The following SGCG variants were observed in gnomAD, a reference collection of about 807,000 sequenced individuals.
The protein encoded by SGCG is gamma-sarcoglycan.
SGCG carries 26 observed loss-of-function variants against 29.3 expected under a neutral mutation model. The ratio of observed to expected loss-of-function variants is 0.89; its 90% confidence interval spans 0.65 to 1.23. The LOEUF is 1.23. Ranked by LOEUF, SGCG falls within the 50% of genes most tolerant of loss-of-function variation. The probability of loss-of-function intolerance (pLI) is 0.00; values close to 1 mark genes in which losing one functional copy is unlikely to be tolerated. For missense variants in SGCG, 353 were observed against 356.0 expected, an observed-to-expected ratio of 0.99 and a Z score of 0.07; for synonymous variants, 145 against 129.7, an observed-to-expected ratio of 1.12 and a Z score of -0.80.
intron 2 of SGCG, among the ~76,000 whole-genome samples, chr13:23,233,689 A>G (rs75305352): frequency 0.046 from 7,008 of 152,262 alleles, 192 homozygotes; most frequent in South Asian, 0.075. Flanking sequence ...TGTATGTAAC[A>G]TATTTTACCA....
At chr13:23,249,331 A>G (rs1879868659) in intron 3 of SGCG, among the ~76,000 whole-genome samples, 1 of 152,216 alleles carries the variant, frequency 6.6e-6, no homozygotes, top group Non-Finnish European at 1.5e-5. Context: ...AAGGCCCATT[A>G]ACAGGCTCCC....
chr13:23,248,212 A>T lies in SGCG; in HGVS notation c.298-2418A>T, dbSNP rs186849128. ...CCAAAAAAAATTTCTATCAAAAAAA[A>T]ATTTTTTTAATTTTAGATGGAAAAC... On this transcript the variant is annotated intron_variant, in intron 3 of 7. Transcript: ENST00000218867. Among the ~76,000 whole-genome samples, 273 of 152,252 alleles carry T rather than the reference A, an allele frequency of 1.8e-3. 1 individual carries two copies. The highest frequency in any genetic ancestry group is 6.1e-3 in the African/African-American group (254 of 41,540).
intron 4 of SGCG, chr13:23,268,401 T>C (rs528513895): frequency 2.0e-4 from 30 of 152,454 alleles, no homozygotes; most frequent in African/African-American, 6.3e-4. Flanking sequence ...TCTGCTAGGA[T>C]TTTGATTCTG....
intron 7 of SGCG, among the ~76,000 whole-genome samples, chr13:23,323,326 GCA>G (rs1486019391): frequency 6.6e-6 from 1 of 152,212 alleles, no homozygotes; most frequent in Non-Finnish European, 1.5e-5. Context: ...ACCATGCACG[GCA>G]CAGAGCTGCC....
At chr13:23,238,099 C>T (rs1309013019) in intron 3 of SGCG, among the ~76,000 whole-genome samples, 1 of 152,100 alleles carries the variant, frequency 6.6e-6, no homozygotes, top group Non-Finnish European at 1.5e-5. Context: ...AGAGTTATCC[C>T]TGCAAGAGGA....
intron 2 of SGCG, among the ~76,000 whole-genome samples, chr13:23,206,996 C>A (rs2137506069): frequency 6.6e-6 from 1 of 152,228 alleles, no homozygotes; most frequent in African/African-American, 2.4e-5. Flanking sequence ...CCACAAAAGA[C>A]CTGAAACAGC....
chr13:23,176,800 C>G (rs1405881166), upstream of SGCG, among the ~76,000 whole-genome samples: 1 of 152,064 alleles, frequency 6.6e-6, no homozygotes, highest in Non-Finnish European at 1.5e-5. Flanking sequence ...TTTGTAGATT[C>G]TTTGTTTCTT....
intron 6 of SGCG, among the ~76,000 whole-genome samples, chr13:23,299,456 A>ATTTTTTTTTTTTTTTTTTT: frequency 2.4e-5 from 1 of 41,542 alleles, no homozygotes; most frequent in Non-Finnish European, 4.8e-5. Flanking sequence ...ATATATATAT[A>ATTTTTTTTTTTTTTTTTTT]TTTTTTTTTT....
chr13:23,215,884 G>T (rs938241732), intron 2 of SGCG, among the ~76,000 whole-genome samples: 1 of 151,766 alleles, frequency 6.6e-6, no homozygotes, highest in Non-Finnish European at 1.5e-5. Context: ...TATACATAAC[G>T]GCCAAATGTG....
chr13:23,247,285 G>C (rs1476253042), intron 3 of SGCG: 1 of 152,252 alleles, frequency 6.6e-6, no homozygotes, highest in Non-Finnish European at 1.5e-5. Context: ...TCAAGGATGT[G>C]TTTGAAGAAT....
the SGCG span, among the ~76,000 whole-genome samples, chr13:23,175,921 T>C: frequency 6.6e-6 from 1 of 152,156 alleles, no homozygotes; most frequent in East Asian, 1.9e-4. Flanking sequence ...ACAATCCAGA[T>C]GAAAACTCTT....
intron 4 of SGCG, among the ~76,000 whole-genome samples, chr13:23,263,053 A>G (rs908410178): frequency 2.0e-5 from 3 of 152,080 alleles, no homozygotes; most frequent in African/African-American, 7.2e-5. Context: ...AAAGTTTGAA[A>G]TATCACAAAT....
intron 2 of SGCG, among the ~76,000 whole-genome samples, chr13:23,212,800 G>C (rs147680727): frequency 2.6e-5 from 4 of 152,132 alleles, no homozygotes; most frequent in African/African-American, 4.8e-5. Context: ...AGCTAAGTCC[G>C]TGTTGCAGAG....
intron 2 of SGCG, among the ~76,000 whole-genome samples, chr13:23,219,536 AT>A (rs1471763734): frequency 6.6e-6 from 1 of 152,072 alleles, no homozygotes; most frequent in African/African-American, 2.4e-5. Context: ...AGAGGAGGAT[AT>A]TTTTTAGGTT....
At chr13:23,195,552 G>A (rs183041371) in intron 1 of SGCG, among the ~76,000 whole-genome samples, 1 of 151,818 alleles carries the variant, frequency 6.6e-6, no homozygotes, top group African/African-American at 2.4e-5. Context: ...TACTTAAAGG[G>A]CATTTATTCT....
At chr13:23,172,963 C>A in the SGCG span, among the ~76,000 whole-genome samples, 1 of 152,296 alleles carries the variant, frequency 6.6e-6, no homozygotes, top group Non-Finnish European at 1.5e-5. Flanking sequence ...TTGTCAAATG[C>A]TGATATTAAT....
intron 4 of SGCG, among the ~76,000 whole-genome samples, chr13:23,252,993 G>GTAAC (rs142974578): frequency 0.033 from 4,996 of 152,240 alleles, 264 homozygotes; most frequent in African/African-American, 0.11. Context: ...TGGCATGCTA[G>GTAAC]TAACTGTTCT....
chr13:23,204,444 A>G (rs897327961), intron 2 of SGCG, among the ~76,000 whole-genome samples: 1 of 152,262 alleles, frequency 6.6e-6, no homozygotes, highest in Middle Eastern at 3.4e-3. Flanking sequence ...TATTTTGTGT[A>G]CTTTTGAAAA....
At position 23,324,734 on chromosome 13, in the gene SGCG, G is replaced by C; in HGVS notation, c.*193G>C. On this transcript the variant is annotated 3_prime_UTR_variant, in exon 8 of 8. Transcript: ENST00000218867. ...ATGATCTCAAAATGCACGTGGATGTGAGACACAAAAGTTGACAAAATGGAA... is the reference window on the plus strand; with the variant it reads ...ATGATCTCAAAATGCACGTGGATGTCAGACACAAAAGTTGACAAAATGGAA... 1 of 607,940 alleles carries C rather than the reference G, an allele frequency of 1.6e-6. No homozygotes were observed. Among genetic ancestry groups the C allele is most frequent in the South Asian group, 1.8e-5 (1 of 54,756 alleles). 37.7% of individuals were successfully genotyped at this position (607,940 alleles called of 1,614,324 possible).
Sources: gnomAD v4.1 joint callset for allele counts (sites outside exome capture counted in the v4.1 genomes callset) on GRCh38, gnomAD v4.1.1 for gene constraint, MANE v1.5 for transcripts, NCBI Gene and HGNC (gene_info 2026-07-23, HGNC 2026-07-21) for gene names.